The following PHF20 variants were observed in gnomAD, a reference collection of about 807,000 sequenced individuals.
The protein encoded by PHF20 is PHD finger protein 20.
PHF20 carries 23 observed loss-of-function variants against 113.5 expected under a neutral mutation model. That is an observed-to-expected ratio of 0.20 (90% confidence interval 0.15 to 0.29). The LOEUF is 0.29. Among genes scored for constraint, PHF20 ranks in the 10% least tolerant of loss-of-function variants. The probability of loss-of-function intolerance (pLI) is 1.00; values close to 1 mark genes in which losing one functional copy is unlikely to be tolerated. For synonymous variants in PHF20, 434 were observed against 457.3 expected (o/e 0.95, Z 0.65); for missense variants, 943 against 1,219.6 (o/e 0.77, Z 3.38).
At chr20:35,864,303 G>A (rs1421857918) in intron 6 of PHF20, among the ~76,000 whole-genome samples, 2 of 151,982 alleles carry the variant, frequency 1.3e-5, no homozygotes, top group African/African-American at 2.4e-5. Flanking sequence ...GAGTGCGTTG[G>A]TGCATGTTTG....
At chr20:35,780,678 C>G (rs907539737) in intron 1 of PHF20, among the ~76,000 whole-genome samples, 5 of 150,182 alleles carry the variant, frequency 3.3e-5, no homozygotes, top group African/African-American at 4.9e-5. Context: ...TCCTGAGTAC[C>G]TGGGATTACA....
intron 9 of PHF20, among the ~76,000 whole-genome samples, chr20:35,896,443 A>T (rs1402783686): frequency 1.3e-5 from 2 of 152,086 alleles, no homozygotes; most frequent in Non-Finnish European, 2.9e-5. Flanking sequence ...CATAGGAATG[A>T]CTTAATGTGA....
At chr20:35,845,931 A>C (rs1179015682) in intron 3 of PHF20, among the ~76,000 whole-genome samples, 1 of 151,436 alleles carries the variant, frequency 6.6e-6, no homozygotes, top group Non-Finnish European at 1.5e-5. Flanking sequence ...GCATCCAACC[A>C]CACCTGGCTA....
chr20:35,940,662 T>C (rs1194522154), intron 16 of PHF20, among the ~76,000 whole-genome samples: 1 of 152,162 alleles, frequency 6.6e-6, no homozygotes, highest in Non-Finnish European at 1.5e-5. Context: ...TCCCCTGAGC[T>C]AGAGTGCTAC....
intron 9 of PHF20, among the ~76,000 whole-genome samples, chr20:35,890,636 T>C (rs148096295): frequency 2.3e-3 from 352 of 152,288 alleles, no homozygotes; most frequent in Admixed American, 5.2e-3. Context: ...ATCCCAACAC[T>C]TCAGGAAGCC....
At chr20:35,875,429 C>CGAAGTT (rs2054503413) in intron 9 of PHF20, among the ~76,000 whole-genome samples, 1 of 151,698 alleles carries the variant, frequency 6.6e-6, no homozygotes, top group East Asian at 1.9e-4. Context: ...AAAAGAGTAC[C>CGAAGTT]GAAGTATTCA....
At chr20:35,817,328 G>A (rs1016817389) in intron 2 of PHF20, among the ~76,000 whole-genome samples, 27 of 151,958 alleles carry the variant, frequency 1.8e-4, no homozygotes, top group Admixed American at 5.9e-4. Context: ...GAGGGATTAC[G>A]GGCCCCTGCC....
intron 10 of PHF20, among the ~76,000 whole-genome samples, chr20:35,904,899 C>T (rs2055175649): frequency 1.3e-5 from 2 of 151,800 alleles, no homozygotes; most frequent in Admixed American, 6.6e-5. Flanking sequence ...GATCTTGGCT[C>T]ACCACAACCT....
At chr20:35,922,979 A>G (rs1467093678) in intron 13 of PHF20, among the ~76,000 whole-genome samples, 1 of 152,074 alleles carries the variant, frequency 6.6e-6, no homozygotes, top group East Asian at 1.9e-4. Context: ...GTTAATTGTG[A>G]TGGTGCACAC....
Position 35,938,684 on chromosome 20 carries a change from G to A in PHF20, c.2301-13G>A. 1.3e-6 allele frequency: 2 copies of A among 1,589,298 alleles called. No homozygotes were observed. Among genetic ancestry groups the A allele is most frequent in the South Asian group, 2.3e-5 (2 of 86,954 alleles). ...TTACTCCAAAGCCCATGTCCTCTTT[G>A]TCCTCTCAACAGAAGCCGGGAGCAT... is the stretch of plus-strand genomic sequence containing the variant. On this transcript the variant is annotated splice_polypyrimidine_tract_variant and intron_variant, in intron 15 of 17. Transcript: ENST00000374012.
At chr20:35,829,771 T>G (rs2042326630) in intron 2 of PHF20, among the ~76,000 whole-genome samples, 2 of 152,184 alleles carry the variant, frequency 1.3e-5, no homozygotes, top group African/African-American at 4.8e-5. Flanking sequence ...GAGGCAGGCA[T>G]ATTGCATGAG....
chr20:35,817,979 G>A (rs1457989545), intron 2 of PHF20, among the ~76,000 whole-genome samples: 1 of 151,234 alleles, frequency 6.6e-6, no homozygotes, highest in South Asian at 2.1e-4. Flanking sequence ...TATAATTAAA[G>A]TATAAATTTA....
intron 9 of PHF20, among the ~76,000 whole-genome samples, chr20:35,893,582 G>A (rs534766174): frequency 6.6e-6 from 1 of 152,142 alleles, no homozygotes; most frequent in Admixed American, 6.5e-5. Flanking sequence ...AGGATTACAG[G>A]CATGAGCCAC....
rs189332069 is a variant in PHF20, at chr20:35,805,876, G to A, written c.83+4271G>A. Among the ~76,000 whole-genome samples, 81 of 140,154 alleles carry A rather than the reference G, an allele frequency of 5.8e-4. 1 individual carries two copies. The East Asian group carries it at 0.016, about 28-fold the overall frequency. 91.9% of individuals were successfully genotyped at this position (140,154 alleles called of 152,430 possible). A position where few individuals can be genotyped will look rare whatever the true frequency, so the allele number is the denominator to read the frequency against. Reference sequence around the variant, plus strand: ...ATTTTTTTCAGTTCTTTTTTTTTTCGTTTGGGACAGAGTCTTGCTCTGTCG... The same window carrying A: ...ATTTTTTTCAGTTCTTTTTTTTTTCATTTGGGACAGAGTCTTGCTCTGTCG... On this transcript the variant is annotated intron_variant, in intron 2 of 17. Coordinates refer to ENST00000374012, the MANE Select transcript of PHF20 (RefSeq NM_016436.5).
chr20:35,775,013 G>T (rs2041143080), intron 1 of PHF20: 1 of 152,178 alleles, frequency 6.6e-6, no homozygotes, highest in Non-Finnish European at 1.5e-5. Flanking sequence ...ATCACTGGAG[G>T]TCTGTCTGAG....
chr20:35,829,074 C>G (rs2042312638), intron 2 of PHF20, among the ~76,000 whole-genome samples: 1 of 152,114 alleles, frequency 6.6e-6, no homozygotes, highest in South Asian at 2.1e-4. Context: ...GTGCTGGTTC[C>G]TGACAGGTGG....
In PHF20 at chr20:35,871,919, GTTGT is replaced by G. The variant is rs1457754453; in HGVS notation, c.1282+93_1282+96del. 5.5e-6 allele frequency: 5 copies of G among 910,668 alleles called. No homozygotes were observed. The African/African-American group carries it at 8.6e-5, about 16-fold the overall frequency. The allele number at this position is 910,668 out of a possible 1,614,324, so 56.4% of individuals were successfully genotyped here. A position where few individuals can be genotyped will look rare whatever the true frequency, so the allele number is the denominator to read the frequency against. On this transcript the variant is annotated intron_variant, in intron 9 of 17. Coordinates refer to ENST00000374012, the MANE Select transcript of PHF20 (RefSeq NM_016436.5). ...AAAAAAAAAAAATGACTTTTCTGTT[GTTGT>G]TTTTCACCTTTTATTAATATTCCCT... is the stretch of plus-strand genomic sequence containing the variant.
chr20:35,874,921 G>A (rs2054490868), intron 9 of PHF20, among the ~76,000 whole-genome samples: 1 of 151,840 alleles, frequency 6.6e-6, no homozygotes, highest in African/African-American at 2.4e-5. Flanking sequence ...TCAACATAGT[G>A]AGACCCTCCC....
At chr20:35,826,111 C>T (rs545883261) in intron 2 of PHF20, among the ~76,000 whole-genome samples, 1 of 152,246 alleles carries the variant, frequency 6.6e-6, no homozygotes, top group East Asian at 1.9e-4. Flanking sequence ...GTGGCACGTT[C>T]TCGGCTTACT....
Sources: gnomAD v4.1 joint callset for allele counts (sites outside exome capture counted in the v4.1 genomes callset) on GRCh38, gnomAD v4.1.1 for gene constraint, MANE v1.5 for transcripts, NCBI Gene and HGNC (gene_info 2026-07-23, HGNC 2026-07-21) for gene names.